Variants in TSHZ2 observed in about 807,000 individuals in gnomAD.
The protein encoded by TSHZ2 is teashirt zinc finger homeobox 2.
TSHZ2 carries 21 observed loss-of-function variants against 74.4 expected under a neutral mutation model. That is an observed-to-expected ratio of 0.28 (90% CI 0.20 to 0.41). The LOEUF (loss-of-function observed/expected upper bound fraction) is 0.41, where lower values mean the gene tolerates loss of function less well. Ranked by LOEUF, TSHZ2 falls within the 10% of genes least tolerant of loss-of-function variation. TSHZ2 has a pLI of 1.00. For missense variants in TSHZ2, 1,244 were observed against 1,293.5 expected (o/e 0.96, Z 0.59); for synonymous variants, 540 against 515.3 (o/e 1.05, Z -0.65).
At chr20:53,216,479 GA>G (rs1279168848) in intron 1 of TSHZ2, among the ~76,000 whole-genome samples, 1 of 152,184 alleles carries the variant, frequency 6.6e-6, no homozygotes, top group African/African-American at 2.4e-5. Context: ...CCCTAGCTAG[GA>G]TATGTCATTT....
chr20:53,038,926 C>T (rs904654865), intron 1 of TSHZ2, among the ~76,000 whole-genome samples: 4 of 134,496 alleles, frequency 3.0e-5, no homozygotes, highest in East Asian at 2.1e-4. Context: ...GATGGAGTTT[C>T]ACTCTTGTTG....
At chr20:53,253,424 T>C in intron 1 of TSHZ2, 75 bp from the exon 2 acceptor site, 1 of 1,511,696 alleles carries the variant, frequency 6.6e-7, no homozygotes, top group Non-Finnish European at 8.8e-7. Flanking sequence ...TGGGAAGCAC[T>C]TAGTCTATGT....
At chr20:53,214,826 A>G (rs1989397381) in intron 1 of TSHZ2, among the ~76,000 whole-genome samples, 1 of 152,198 alleles carries the variant, frequency 6.6e-6, no homozygotes, top group African/African-American at 2.4e-5. Context: ...CACTCAATCA[A>G]TAAACACTAT....
rs78246004 is a variant in TSHZ2, at chr20:53,125,617, C to A, written c.41-127882C>A. ...TTCTTAAGTATTTTATACTATCAGGCAACCCCCCGGTGATCTGCTGACACC... is the reference window on the plus strand; with the variant it reads ...TTCTTAAGTATTTTATACTATCAGGAAACCCCCCGGTGATCTGCTGACACC... On this transcript the variant is annotated intron_variant, in intron 1 of 2. Transcript: ENST00000371497. 3.7e-3 allele frequency among the ~76,000 whole-genome samples: 560 copies of A among 152,228 alleles called. 4 individuals are homozygous for A. Among genetic ancestry groups the A allele is most frequent in the African/African-American group, 0.013 (533 of 41,542 alleles).
At chr20:53,058,833 A>T (rs983559681) in intron 1 of TSHZ2, among the ~76,000 whole-genome samples, 4 of 152,244 alleles carry the variant, frequency 2.6e-5, no homozygotes, top group African/African-American at 7.2e-5. Context: ...GCCTGGGGAA[A>T]CATGACCAGT....
At position 53,359,183 on chromosome 20, in the gene TSHZ2, G is replaced by A. The variant is rs6068524; in HGVS notation, c.*8+102612G>A. On this transcript the variant is annotated intron_variant, in intron 2 of 2. Coordinates refer to ENST00000371497, the MANE Select transcript of TSHZ2 (RefSeq NM_173485.6). Reference sequence around the variant, plus strand: ...ATCCTACCAACAACTTTATGAATTAGGAGTTACAAATTTGCTTTTGTAGAT... The same window carrying A: ...ATCCTACCAACAACTTTATGAATTAAGAGTTACAAATTTGCTTTTGTAGAT... Among the ~76,000 whole-genome samples, 5 of 152,066 alleles carry A rather than the reference G, an allele frequency of 3.3e-5. No homozygotes were observed. The East Asian group carries it at 9.6e-4, about 29-fold the overall frequency.
intron 2 of TSHZ2, among the ~76,000 whole-genome samples, chr20:53,313,216 C>T (rs144931371): frequency 3.9e-5 from 6 of 152,322 alleles, no homozygotes; most frequent in African/African-American, 1.4e-4. Context: ...ATTTATTTGA[C>T]GTGGACTGTT....
At chr20:53,096,059 C>G (rs1160472538) in intron 1 of TSHZ2, among the ~76,000 whole-genome samples, 1 of 152,184 alleles carries the variant, frequency 6.6e-6, no homozygotes, top group Non-Finnish European at 1.5e-5. Flanking sequence ...CAATTGTAGT[C>G]TAGGGTTTAA....
At chr20:53,169,224 T>G (rs1184467576) in intron 1 of TSHZ2, among the ~76,000 whole-genome samples, 1 of 152,216 alleles carries the variant, frequency 6.6e-6, no homozygotes, top group Admixed American at 6.5e-5. Flanking sequence ...GAGAGTTGGT[T>G]CTCACCTTTC....
chr20:53,279,595 A>G (rs1991014872), intron 2 of TSHZ2, among the ~76,000 whole-genome samples: 1 of 152,194 alleles, frequency 6.6e-6, no homozygotes, highest in South Asian at 2.1e-4. Flanking sequence ...AATTACAACT[A>G]TCTGATATCA....
At chr20:53,459,681 T>G (rs1200470608) in intron 2 of TSHZ2, among the ~76,000 whole-genome samples, 8 of 143,028 alleles carry the variant, frequency 5.6e-5, no homozygotes, top group African/African-American at 2.1e-4. Context: ...GGCATGATTT[T>G]GCAGCGGCTG....
chr20:52,984,337 G>C (rs1981673153), intron 1 of TSHZ2, among the ~76,000 whole-genome samples: 1 of 152,188 alleles, frequency 6.6e-6, no homozygotes, highest in Admixed American at 6.5e-5. Context: ...AGGGTCTGGT[G>C]TTTGCAGAGG....
At chr20:53,380,370 G>A (rs1207397727) in intron 2 of TSHZ2, among the ~76,000 whole-genome samples, 1 of 152,142 alleles carries the variant, frequency 6.6e-6, no homozygotes, top group African/African-American at 2.4e-5. Context: ...ATGATAGTAT[G>A]AATTATTGCT....
At chr20:52,978,279 T>G (rs1981423686) in intron 1 of TSHZ2, among the ~76,000 whole-genome samples, 1 of 152,164 alleles carries the variant, frequency 6.6e-6, no homozygotes, top group Non-Finnish European at 1.5e-5. Flanking sequence ...ATTGAAATGA[T>G]GCCTCACTGT....
intron 1 of TSHZ2, among the ~76,000 whole-genome samples, chr20:53,181,389 C>T (rs1988464120): frequency 6.6e-6 from 1 of 152,174 alleles, no homozygotes; most frequent in Non-Finnish European, 1.5e-5. Flanking sequence ...CCACAAACAA[C>T]AGACTGGAAG....
intron 1 of TSHZ2, among the ~76,000 whole-genome samples, chr20:53,218,031 C>A (rs1988748441): frequency 6.6e-6 from 1 of 152,212 alleles, no homozygotes; most frequent in South Asian, 2.1e-4. Context: ...GCTAGCCCAA[C>A]ACCCTCCTTT....
rs142634404 is a variant in TSHZ2 at position 53,311,501 on chromosome 20, A to T, written c.*8+54930A>T. On this transcript the variant is annotated intron_variant, in intron 2 of 2. Transcript: ENST00000371497. ...CTAATAGGTTTGTTTGGTTGGTGAG[A>T]GTTAAACAAGATAAAACACATGAAA... Among the ~76,000 whole-genome samples the T allele has an allele frequency of 5.9e-4, 90 of 152,372 alleles. 1 individual carries two copies. Among genetic ancestry groups the T allele is most frequent in the African/African-American group, 1.9e-3 (77 of 41,584 alleles).
intron 2 of TSHZ2, among the ~76,000 whole-genome samples, chr20:53,308,363 C>T (rs1204388625): frequency 1.3e-5 from 2 of 152,024 alleles, no homozygotes; most frequent in Admixed American, 6.5e-5. Flanking sequence ...TAGGTGACAC[C>T]AGTGACTTGT....
Position 53,489,112 on chromosome 20 carries a change from A to C in TSHZ2, c.*1977A>C. ...ACTCATCCATCAATCAATCACCCAC[A>C]AGGAAAAATAGCAACAGTACAACGG... On this transcript the variant is annotated 3_prime_UTR_variant, in exon 3 of 3. Coordinates refer to ENST00000371497, the MANE Select transcript of TSHZ2 (RefSeq NM_173485.6). 1 of 456,254 alleles carries C rather than the reference A, an allele frequency of 2.2e-6. No homozygotes were observed. The highest frequency in any genetic ancestry group is 3.3e-4 in the Middle Eastern group (1 of 3,076). 28.3% of individuals were successfully genotyped at this position (456,254 alleles called of 1,614,324 possible).
Sources: allele counts gnomAD v4.1 joint callset (sites outside exome capture counted in the v4.1 genomes callset), GRCh38; gene constraint gnomAD v4.1.1; transcripts MANE v1.5; gene names NCBI Gene and HGNC (gene_info 2026-07-23, HGNC 2026-07-21).